The following DNAI2 variants were observed in gnomAD, a reference collection of about 807,000 sequenced individuals.
DNAI2 encodes dynein, axonemal, intermediate polypeptide 2.
In DNAI2, 63 loss-of-function variants were observed where a neutral mutation model predicts 74.7. The observed-to-expected ratio is 0.84, with a 90% CI of 0.69 to 1.04. The LOEUF is 1.04. Among genes scored for constraint, DNAI2 ranks in the 50% least tolerant of loss-of-function variants. The pLI, the probability that DNAI2 is intolerant of heterozygous loss-of-function variation, is 0.00. For missense variants in DNAI2, 688 were observed against 803.2 expected (o/e 0.86, Z 1.73); for synonymous variants, 289 against 314.9 (o/e 0.92, Z 0.87).
rs1211012900 is a variant in DNAI2, at chr17:74,309,999, G to T, written c.1348-18G>T. Reference sequence around the variant, plus strand: ...GCTCCTCTCTCCTCTACCTGGGTCTGCCCGGCCCCTTCAATAGGTGTGTGA... The same window carrying T: ...GCTCCTCTCTCCTCTACCTGGGTCTTCCCGGCCCCTTCAATAGGTGTGTGA... On this transcript the variant is annotated intron_variant, in intron 10 of 13. Coordinates refer to ENST00000311014, the MANE Select transcript of DNAI2 (RefSeq NM_023036.6). 1 of 1,613,632 alleles carries T rather than the reference G, an allele frequency of 6.2e-7. No individual in the cohort carries two copies. The highest frequency in any genetic ancestry group is 8.5e-7 in the Non-Finnish European group (1 of 1,180,002).
At chr17:74,295,690 G>A (rs760142052) in intron 6 of DNAI2, among the ~76,000 whole-genome samples, 4 of 151,910 alleles carry the variant, frequency 2.6e-5, no homozygotes, top group Non-Finnish European at 4.4e-5. Flanking sequence ...GATTTAATGT[G>A]GCAACTTTGC....
At chr17:74,299,599 T>C in intron 6 of DNAI2, 119 bp from the exon 7 acceptor site, 1 of 1,355,182 alleles carries the variant, frequency 7.4e-7, no homozygotes, top group Admixed American at 1.9e-5. Context: ...AAGCCCTGAT[T>C]CTAGAAAACC....
chr17:74,286,672 G>A (rs549390800), intron 3 of DNAI2, among the ~76,000 whole-genome samples: 2 of 152,216 alleles, frequency 1.3e-5, no homozygotes, highest in East Asian at 1.9e-4. Context: ...TGATCCACCC[G>A]CTTCGGCCTC....
intron 12 of DNAI2, among the ~76,000 whole-genome samples, chr17:74,313,212 A>G (rs1257588161): frequency 1.3e-5 from 2 of 152,224 alleles, no homozygotes. Context: ...GAGTGGACAG[A>G]GCGAAGGATG....
intron 4 of DNAI2, 71 bp from the exon 5 acceptor site, chr17:74,289,523 A>G: frequency 7.9e-7 from 1 of 1,259,338 alleles, no homozygotes; most frequent in Non-Finnish European, 1.1e-6. Flanking sequence ...CATCTGACAA[A>G]AAAAAAAAAA....
Position 74,289,580 on chromosome 17 carries a change from C to T in DNAI2, c.468-14C>T, listed in dbSNP as rs2051959454. The T allele has an allele frequency of 6.2e-7, 1 of 1,613,804 alleles. No homozygotes were observed. Among genetic ancestry groups the T allele is most frequent in the African/African-American group, 1.3e-5 (1 of 74,880 alleles). On this transcript the variant is annotated splice_polypyrimidine_tract_variant and intron_variant, in intron 4 of 13. Coordinates refer to ENST00000311014, the MANE Select transcript of DNAI2 (RefSeq NM_023036.6). ...TCACATCCAGCCTTCTGCTCTCTTC[C>T]CTCTCCCCTGCAGGGACCCCCAGGA...
intron 3 of DNAI2, among the ~76,000 whole-genome samples, chr17:74,286,753 G>A (rs929133034): frequency 6.6e-6 from 1 of 152,148 alleles, no homozygotes; most frequent in Admixed American, 6.5e-5. Flanking sequence ...TAGACATACT[G>A]TATATCTGTT....
intron 1 of DNAI2, among the ~76,000 whole-genome samples, chr17:74,281,086 C>CAAAAAAAAAAAAAAAAA (rs60399157): frequency 1.7e-5 from 1 of 58,898 alleles, no homozygotes. Context: ...GCCTTTGTCT[C>CAAAAAAAAAAAAAAAAA]AAAAAAAAAA....
At chr17:74,285,659 A>G (rs761587657) in intron 3 of DNAI2, among the ~76,000 whole-genome samples, 1 of 152,238 alleles carries the variant, frequency 6.6e-6, no homozygotes, top group Non-Finnish European at 1.5e-5. Context: ...AGAATCTCTT[A>G]TACATCCTGT....
At chr17:74,281,473 G>A (rs909981640) in intron 1 of DNAI2, 1 of 532,310 alleles carries the variant, frequency 1.9e-6, no homozygotes, top group South Asian at 3.1e-5. Context: ...GGCCAGGCTG[G>A]TCTTGAACTC....
intron 8 of DNAI2, among the ~76,000 whole-genome samples, chr17:74,304,264 G>A (rs949883321): frequency 1.6e-4 from 21 of 129,662 alleles, no homozygotes; most frequent in Non-Finnish European, 1.7e-4. Context: ...GCATGATCTC[G>A]GCTCACTGCA....
chr17:74,310,336 C>T (rs1342192276), intron 11 of DNAI2, among the ~76,000 whole-genome samples, 173 bp downstream of exon 11: 2 of 133,082 alleles, frequency 1.5e-5, no homozygotes, highest in African/African-American at 5.6e-5. Flanking sequence ...TGTCCATTTG[C>T]CTTTGCTCAA....
chr17:74,298,719 C>T (rs756662256), intron 6 of DNAI2, among the ~76,000 whole-genome samples: 49 of 152,256 alleles, frequency 3.2e-4, no homozygotes, highest in Non-Finnish European at 6.3e-4. Context: ...TCTCCCACCT[C>T]AGCCTCCCGA....
intron 6 of DNAI2, among the ~76,000 whole-genome samples, chr17:74,291,638 G>GT (rs1388618849): frequency 6.6e-6 from 1 of 152,204 alleles, no homozygotes; most frequent in Non-Finnish European, 1.5e-5. Flanking sequence ...TGTTACTACT[G>GT]TAAGTCTAAA....
At chr17:74,288,546 GA>G (rs762686865) in intron 4 of DNAI2, among the ~76,000 whole-genome samples, 1 of 152,196 alleles carries the variant, frequency 6.6e-6, no homozygotes, top group Non-Finnish European at 1.5e-5. Flanking sequence ...AACTGTGATA[GA>G]ATCAATTTCT....
chr17:74,307,948 C>G (rs565643978), intron 9 of DNAI2, among the ~76,000 whole-genome samples: 1 of 152,170 alleles, frequency 6.6e-6, no homozygotes, highest in Non-Finnish European at 1.5e-5. Flanking sequence ...CAGGCGCCCA[C>G]CAACACCCCT....
chr17:74,301,300 C>G, intron 8 of DNAI2, 132 bp downstream of exon 8: 1 of 1,342,056 alleles, frequency 7.5e-7, no homozygotes, highest in Non-Finnish European at 1.1e-6. Flanking sequence ...TCACTGCAGC[C>G]ATCCTAGACG....
At chr17:74,311,642 C>A (rs1263536951) in intron 11 of DNAI2, among the ~76,000 whole-genome samples, 1 of 152,116 alleles carries the variant, frequency 6.6e-6, no homozygotes, top group East Asian at 1.9e-4. Flanking sequence ...AAAAGGAAAA[C>A]CCCTAGTGCT....
rs1020715652 is a variant in DNAI2 at position 74,307,368 on chromosome 17, A to G, written c.1212-1885A>G. ...ATAAGGTTAAACAAATTTAGCAAAT[A>G]AGAATATTTGACCCTGGGCCAGGTG... On this transcript the variant is annotated intron_variant, in intron 9 of 13. Coordinates refer to ENST00000311014, the MANE Select transcript of DNAI2 (RefSeq NM_023036.6). The G allele has an allele frequency of 1.8e-5, 8 of 454,156 alleles. No individual in the cohort carries two copies. The Admixed American group carries it at 1.9e-4, about 11-fold the overall frequency. 28.1% of individuals were successfully genotyped at this position (454,156 alleles called of 1,614,324 possible). A position where few individuals can be genotyped will look rare whatever the true frequency, so the allele number is the denominator to read the frequency against.
Sources: allele counts gnomAD v4.1 joint callset (sites outside exome capture counted in the v4.1 genomes callset), GRCh38; gene constraint gnomAD v4.1.1; transcripts MANE v1.5; gene names NCBI Gene and HGNC (gene_info 2026-07-23, HGNC 2026-07-21).